Variants in KIF20B observed in about 807,000 individuals in gnomAD.
KIF20B encodes the protein kinesin-like protein KIF20B.
KIF20B carries 188 observed loss-of-function variants against 232.5 expected under a neutral mutation model. The observed-to-expected ratio is 0.81, with a 90% CI of 0.72 to 0.91. The LOEUF (loss-of-function observed/expected upper bound fraction) is 0.91, where lower values mean the gene tolerates loss of function less well. KIF20B is among the 40% of genes least tolerant of loss of function. The pLI is 0.00. For missense variants in KIF20B, 2,154 were observed against 2,055.9 expected, an observed-to-expected ratio of 1.05 and a Z score of -0.92; for synonymous variants, 712 against 683.0, an observed-to-expected ratio of 1.04 and a Z score of -0.66.
At position 89,738,065 on chromosome 10, in the gene KIF20B, G is replaced by A. The variant is rs201617733; in HGVS notation, c.3224G>A (p.Ser1075Asn). Residue 1075 changes from serine to asparagine, a missense_variant, in exon 20 of 33, where the codon AGT (serine) becomes AAT (asparagine). Physicochemically the swap from Ser to Asn is conservative, Grantham distance 46 (BLOSUM62 1). Coordinates refer to ENST00000371728, the MANE Select transcript of KIF20B (RefSeq NM_001284259.2). The stretch of plus-strand genomic sequence containing the variant: ...ATTGTGAAGGCCTCTTCCAAAAAAA[G>A]TCATCAGATTGAGGAACTGGAACAA... ...KEIVKASSKKSHQIEELEQQI... is the reference protein window; with the variant it reads ...KEIVKASSKKNHQIEELEQQI... The A allele has an allele frequency of 1.1e-4, 178 of 1,613,272 alleles. 1 individual carries two copies. In the East Asian group the frequency reaches 3.8e-3, roughly 34 times the overall value.
chr10:89,722,568 T>C (rs1223537980), intron 13 of KIF20B, among the ~76,000 whole-genome samples: 1 of 151,792 alleles, frequency 6.6e-6, no homozygotes, highest in Non-Finnish European at 1.5e-5. Context: ...ACTCGGGAGG[T>C]TGAGGCAGGA....
intron 28 of KIF20B, among the ~76,000 whole-genome samples, chr10:89,761,309 T>TGTTTGATTTTA (rs1372947277): frequency 4.6e-5 from 7 of 152,050 alleles, no homozygotes; most frequent in African/African-American, 1.4e-4. Context: ...TGATTTTACT[T>TGTTTGATTTTA]CATGGGCTAA....
At chr10:89,753,165 C>T (rs1295467056) in intron 25 of KIF20B, among the ~76,000 whole-genome samples, 1 of 151,818 alleles carries the variant, frequency 6.6e-6, no homozygotes, top group Non-Finnish European at 1.5e-5. Flanking sequence ...GTGTTTTTTT[C>T]TTGTTCAGCT....
chr10:89,751,556 T>A, intron 24 of KIF20B, 85 bp downstream of exon 24: 1 of 1,291,534 alleles, frequency 7.7e-7, no homozygotes, highest in Non-Finnish European at 1.1e-6. Context: ...GTTAAAGTAG[T>A]ACGTATTTTC....
Position 89,737,771 on chromosome 10 carries a change from A to G in KIF20B, c.2930A>G (p.Asn977Ser). ...GAAACTGCTACAAGAAGCATTACAA[A>G]TAATGTTTCACAAATAAAATTAATG... ...EIETATRSITNNVSQIKLMHT... is the reference protein window; with the variant it reads ...EIETATRSITSNVSQIKLMHT... The change falls in exon 20 of 33, where the codon AAT (asparagine) becomes AGT (serine). Residue 977 changes from asparagine (N) to serine (S), a missense_variant. Coordinates refer to ENST00000371728, the MANE Select transcript of KIF20B (RefSeq NM_001284259.2). The G allele has an allele frequency of 1.2e-6, 2 of 1,610,738 alleles. No individual in the cohort carries two copies. Among genetic ancestry groups the G allele is most frequent in the Non-Finnish European group, 1.7e-6 (2 of 1,177,468 alleles).
intron 23 of KIF20B, among the ~76,000 whole-genome samples, chr10:89,750,712 G>A (rs1692751229): frequency 6.6e-6 from 1 of 152,086 alleles, no homozygotes; most frequent in South Asian, 2.1e-4. Flanking sequence ...ATATATAGTT[G>A]CTTACAAGTA....
intron 29 of KIF20B, among the ~76,000 whole-genome samples, chr10:89,765,725 C>T (rs987937215): frequency 3.9e-5 from 6 of 151,990 alleles, no homozygotes; most frequent in African/African-American, 1.5e-4. Context: ...TCAGAAATAA[C>T]GTCTGTTAAG....
At chr10:89,771,925 T>C (rs926345392) in intron 31 of KIF20B, among the ~76,000 whole-genome samples, 3 of 151,976 alleles carry the variant, frequency 2.0e-5, no homozygotes, top group African/African-American at 7.2e-5. Flanking sequence ...GGTTGTTACT[T>C]TCATTTTGGC....
At chr10:89,733,136 G>A (rs764364447) in intron 19 of KIF20B, 80 bp downstream of exon 19, 6 of 1,387,808 alleles carry the variant, frequency 4.3e-6, no homozygotes, top group Non-Finnish European at 6.1e-6. Flanking sequence ...AAACAGAGGG[G>A]CATTCACTTG....
At chr10:89,760,747 G>A in intron 28 of KIF20B, 111 bp downstream of exon 28, 1 of 638,284 alleles carries the variant, frequency 1.6e-6, no homozygotes. Context: ...AGCTGTGTGT[G>A]CTCTGGGCTG....
chr10:89,728,905 T>G (rs368576201), intron 17 of KIF20B, among the ~76,000 whole-genome samples: 5 of 138,024 alleles, frequency 3.6e-5, no homozygotes, highest in Non-Finnish European at 6.2e-5. Context: ...TCTTTTTTCT[T>G]TGTGTGTGTG....
chr10:89,718,924 C>G, intron 12 of KIF20B, 52 bp downstream of exon 12: 1 of 1,154,638 alleles, frequency 8.7e-7, no homozygotes. Context: ...AACAGTTTTT[C>G]TTGAAATAAA....
rs140347341 is a variant in KIF20B, at chr10:89,752,643, C to T, written c.4299C>T (p.Asn1433=). Residue 1433 remains asparagine, a synonymous_variant, in exon 25 of 33, where the codon AAC becomes AAT. Coordinates refer to ENST00000371728, the MANE Select transcript of KIF20B (RefSeq NM_001284259.2). ...AAAGGTCAAATAAAGAACATGAGAA[C>T]AACACAGATGTGCTTGGAAAGCTCA... The part of the protein sequence containing the change: ...NNQRSNKEHE[N]NTDVLGKLTN... The T allele has an allele frequency of 6.2e-7, 1 of 1,603,552 alleles. No individual in the cohort carries two copies. Among genetic ancestry groups the T allele is most frequent in the African/African-American group, 1.3e-5 (1 of 74,326 alleles).
At chr10:89,718,255 G>T (rs1842976034) in intron 11 of KIF20B, among the ~76,000 whole-genome samples, 1 of 152,152 alleles carries the variant, frequency 6.6e-6, no homozygotes, top group Admixed American at 6.6e-5. Context: ...CAGGCATGGT[G>T]GCTTATGCCT....
intron 26 of KIF20B, among the ~76,000 whole-genome samples, chr10:89,757,040 G>GTATGTATATATATATATATATATATA (rs1554852904): frequency 6.3e-5 from 7 of 110,754 alleles, no homozygotes; most frequent in Non-Finnish European, 9.2e-5. Context: ...GTGTGTGTGT[G>GTATGTATATATATATATATATATATA]TATATATATA....
chr10:89,709,659 TTAC>T, intron 4 of KIF20B, among the ~76,000 whole-genome samples, 198 bp downstream of exon 4: 1 of 151,294 alleles, frequency 6.6e-6, no homozygotes, highest in East Asian at 2.1e-4. Context: ...AAAGTTATTA[TTAC>T]TATATTTTTA....
rs752317797 is a variant in KIF20B, at chr10:89,729,261, C to T, written c.2391+14C>T. On this transcript the variant is annotated intron_variant, in intron 18 of 32. Coordinates refer to ENST00000371728, the MANE Select transcript of KIF20B (RefSeq NM_001284259.2). ...TTTAAATGCAATGTAAGAATTTAAC[C>T]TTGTGTTATATTAATAAATTAGATA... 3.4e-6 allele frequency: 5 copies of T among 1,460,192 alleles called. No homozygotes were observed. The African/African-American group carries it at 5.8e-5, about 17-fold the overall frequency. 90.5% of individuals were successfully genotyped at this position (1,460,192 alleles called of 1,614,324 possible).
intron 21 of KIF20B, among the ~76,000 whole-genome samples, chr10:89,740,876 G>A (rs1379172854): frequency 1.3e-5 from 2 of 152,024 alleles, no homozygotes; most frequent in African/African-American, 2.4e-5. Flanking sequence ...ACTTATAGAG[G>A]TATCTCTTTT....
intron 15 of KIF20B, 79 bp from the exon 16 acceptor site, chr10:89,726,214 C>T (rs190699683): frequency 1.4e-5 from 19 of 1,318,454 alleles, no homozygotes; most frequent in Middle Eastern, 5.5e-4. Flanking sequence ...TTTTTAAAAA[C>T]TGTCTAAATT....
Sources: allele counts gnomAD v4.1 joint callset (sites outside exome capture counted in the v4.1 genomes callset), GRCh38; gene constraint gnomAD v4.1.1; transcripts MANE v1.5; gene names NCBI Gene and HGNC (gene_info 2026-07-23, HGNC 2026-07-21).